The following IFNG variants were observed in gnomAD, a reference collection of about 807,000 sequenced individuals.
IFNG encodes the protein interferon gamma, also known as IFN-gamma.
In IFNG, 8 loss-of-function variants were observed where a neutral mutation model predicts 14.4. The observed-to-expected ratio is 0.56, with a 90% CI of 0.33 to 1.00. The LOEUF is 1.00. Ranked by LOEUF, IFNG falls within the 50% of genes least tolerant of loss-of-function variation. The pLI is 0.03. For missense variants in IFNG, 132 were observed against 194.9 expected (o/e 0.68, Z 1.92); for synonymous variants, 73 against 65.4 (o/e 1.12, Z -0.56).
At chr12:68,158,695 A>G (rs906578433) in intron 1 of IFNG, among the ~76,000 whole-genome samples, 1 of 148,918 alleles carries the variant, frequency 6.7e-6, no homozygotes, top group Non-Finnish European at 1.5e-5. Context: ...GCTTTAAAAG[A>G]TAGTTCCAAA....
Position 68,155,437 on chromosome 12 carries a change from C to T in IFNG, c.417G>A (p.Val139=). The change falls in exon 4 of 4, where the codon GTG becomes GTA. Residue 139 remains valine (V), a synonymous_variant. Transcript: ENST00000229135. ...QRKAIHELIQ[V]MAELSPAAKT... Reference sequence around the variant, plus strand: ...TAGCTGCTGGCGACAGTTCAGCCATCACTTGGATGAGTTCATGTATTGCTT... The same window carrying T: ...TAGCTGCTGGCGACAGTTCAGCCATTACTTGGATGAGTTCATGTATTGCTT... 1 of 1,611,970 alleles carries T rather than the reference C, an allele frequency of 6.2e-7. No homozygotes were observed. Among genetic ancestry groups the T allele is most frequent in the Non-Finnish European group, 8.5e-7 (1 of 1,178,792 alleles).
intron 1 of IFNG, 101 bp from the exon 2 acceptor site, chr12:68,158,360 G>C (rs1882634116): frequency 1.3e-6 from 1 of 781,076 alleles, no homozygotes; most frequent in Non-Finnish European, 2.0e-6. Context: ...AATATTCACT[G>C]ATTTCCTTTT....
intron 3 of IFNG, 59 bp from the exon 4 acceptor site, chr12:68,155,546 G>T (rs1180724235): frequency 6.0e-6 from 9 of 1,491,086 alleles, no homozygotes; most frequent in South Asian, 1.3e-5. Flanking sequence ...AGGATATTCT[G>T]CTAATGTCAT....
chr12:68,156,113 C>G (rs532611333), intron 3 of IFNG, among the ~76,000 whole-genome samples: 7 of 152,284 alleles, frequency 4.6e-5, no homozygotes, highest in South Asian at 2.1e-4. Context: ...AACCACTGAT[C>G]TAGGTTAGGT....
intron 3 of IFNG, among the ~76,000 whole-genome samples, chr12:68,155,822 A>G (rs1266170581): frequency 6.6e-6 from 1 of 152,156 alleles, no homozygotes; most frequent in Non-Finnish European, 1.5e-5. Context: ...TGAGCCAGCT[A>G]CTTAACCTCT....
chr12:68,155,769 A>T lies in IFNG; in HGVS notation c.367-282T>A, dbSNP rs121913168. Among the ~76,000 whole-genome samples, 5 of 152,290 alleles carry T rather than the reference A, an allele frequency of 3.3e-5. No homozygotes were observed. Among genetic ancestry groups the T allele is most frequent in the Non-Finnish European group, 7.4e-5 (5 of 68,026 alleles). On this transcript the variant is annotated intron_variant, in intron 3 of 3. Transcript: ENST00000229135. ...AGACTCCTGGTTGTGGAGTCAGCATAAAAAGGTGGGTTTGAATCTCATGCA... is the reference window on the plus strand; with the variant it reads ...AGACTCCTGGTTGTGGAGTCAGCATTAAAAGGTGGGTTTGAATCTCATGCA...
intron 2 of IFNG, 32 bp downstream of exon 2, chr12:68,158,159 G>A: frequency 6.3e-7 from 1 of 1,596,460 alleles, no homozygotes; most frequent in African/African-American, 1.4e-5. Flanking sequence ...CAAGCAACAG[G>A]AAAATTAGCC....
Position 68,159,643 on chromosome 12 carries a change from G to T in IFNG, c.-28C>A. 8.4e-7 allele frequency: 1 copy of T among 1,196,780 alleles called. No individual in the cohort carries two copies. The highest frequency in any genetic ancestry group is 1.2e-6 in the Non-Finnish European group (1 of 812,710). 74.1% of individuals were successfully genotyped at this position (1,196,780 alleles called of 1,614,324 possible). A position where few individuals can be genotyped will look rare whatever the true frequency, so the allele number is the denominator to read the frequency against. On this transcript the variant is annotated 5_prime_UTR_variant, in exon 1 of 4. Coordinates refer to ENST00000229135, the MANE Select transcript of IFNG (RefSeq NM_000619.3). Reference sequence around the variant, plus strand: ...TTTCCGAGAGAATTAAGCCAAAGAAGTTGAAATCAGTAGTTCTTGTATCAA... The same window carrying T: ...TTTCCGAGAGAATTAAGCCAAAGAATTTGAAATCAGTAGTTCTTGTATCAA...
At chr12:68,159,166 C>T (rs1028133699) in intron 1 of IFNG, among the ~76,000 whole-genome samples, 1 of 152,074 alleles carries the variant, frequency 6.6e-6, no homozygotes, top group Non-Finnish European at 1.5e-5. Flanking sequence ...AAACTAATAA[C>T]CAATCATTTT....
Position 68,159,563 on chromosome 12 carries a change from G to A in IFNG, c.53C>T (p.Ser18Phe), listed in dbSNP as rs777144079. The A allele has an allele frequency of 1.2e-6, 2 of 1,606,980 alleles. No homozygotes were observed. The highest frequency in any genetic ancestry group is 8.5e-7 in the Non-Finnish European group (1 of 1,175,410). The change falls in exon 1 of 4, where the codon TCT (serine) becomes TTT (phenylalanine). Residue 18 changes from serine (S) to phenylalanine (F), a missense_variant. By Grantham distance (155) the Ser-to-Phe change is radical. Transcript: ENST00000229135. The stretch of plus-strand genomic sequence containing the variant: ...TGGGTCCTGGCAGTAACAGCCAAGA[G>A]AACCCAAAACGATGCAGAGCTGAAA... ...LAFQLCIVLG[S>F]LGCYCQDPYV...
rs1479306659 is a variant in IFNG, at chr12:68,158,260, C to G, written c.115-1G>C. On this transcript the variant is annotated splice_acceptor_variant, in intron 1 of 3. Transcript: ENST00000229135. LOFTEE classifies it high-confidence loss of function. ...CCGCTACATCTGAATGACCTGCATT[C>G]TAAAAAAAAAAAAAGAAAAAATTGG... 7.0e-7 allele frequency: 1 copy of G among 1,425,360 alleles called. No homozygotes were observed. The highest frequency in any genetic ancestry group is 2.5e-5 in the Admixed American group (1 of 40,708). 88.3% of individuals were successfully genotyped at this position (1,425,360 alleles called of 1,614,324 possible). A position where few individuals can be genotyped will look rare whatever the true frequency, so the allele number is the denominator to read the frequency against.
chr12:68,156,945 C>T (rs1343023574), intron 3 of IFNG, among the ~76,000 whole-genome samples: 2 of 152,150 alleles, frequency 1.3e-5, no homozygotes, highest in East Asian at 1.9e-4. Flanking sequence ...CAAATGCTAG[C>T]TTGAAGACCC....
rs916151921 is a variant in IFNG, at chr12:68,157,962, T to C, written c.317A>G (p.Asn106Ser). The change falls in exon 3 of 4, where the codon AAT (asparagine) becomes AGT (serine). Residue 106 changes from asparagine (N) to serine (S), a missense_variant. By Grantham distance (46) the Asn-to-Ser change is conservative. Coordinates refer to ENST00000229135, the MANE Select transcript of IFNG (RefSeq NM_000619.3). ...GTCATCTCGTTTCTTTTTGTTGCTA[T>C]TGAAAAACTTGACATTCATGTCTTC... ...IKEDMNVKFF[N>S]SNKKKRDDFE... The C allele has an allele frequency of 6.2e-7, 1 of 1,608,550 alleles. No homozygotes were observed. The highest frequency in any genetic ancestry group is 1.7e-5 in the Admixed American group (1 of 59,784).
chr12:68,158,823 G>C (rs1458968088), intron 1 of IFNG, among the ~76,000 whole-genome samples: 1 of 151,896 alleles, frequency 6.6e-6, no homozygotes, highest in Non-Finnish European at 1.5e-5. Context: ...TAACAGCTAA[G>C]TTTTAAACAA....
At chr12:68,155,831 C>G (rs1013634540) in intron 3 of IFNG, among the ~76,000 whole-genome samples, 1 of 152,186 alleles carries the variant, frequency 6.6e-6, no homozygotes, top group Non-Finnish European at 1.5e-5. Flanking sequence ...TACTTAACCT[C>G]TCTGAACTTC....
At chr12:68,156,159 CTG>C (rs1212219441) in intron 3 of IFNG, among the ~76,000 whole-genome samples, 3 of 152,206 alleles carry the variant, frequency 2.0e-5, no homozygotes, top group African/African-American at 7.2e-5. Context: ...CGAGTGAAAA[CTG>C]TAATTTTTAA....
Position 68,158,176 on chromosome 12 carries a change from G to C in IFNG, c.183+15C>G, listed in dbSNP as rs199708992. The C allele has an allele frequency of 1.2e-4, 189 of 1,603,218 alleles. No homozygotes were observed. The African/African-American group carries it at 2.4e-3, about 21-fold the overall frequency. Reference sequence around the variant, plus strand: ...AGCAACAGGAAAATTAGCCAAATGGGAATATTCAGCTTACCTCTTTCCAAT... The same window carrying C: ...AGCAACAGGAAAATTAGCCAAATGGCAATATTCAGCTTACCTCTTTCCAAT... On this transcript the variant is annotated intron_variant, in intron 2 of 3. Transcript: ENST00000229135.
At chr12:68,155,693 C>T (rs1414132308) in intron 3 of IFNG, among the ~76,000 whole-genome samples, 1 of 152,154 alleles carries the variant, frequency 6.6e-6, no homozygotes, top group Non-Finnish European at 1.5e-5. Context: ...TGGAGTCCAT[C>T]ACATATCTTT....
chr12:68,155,272 A>C lies in IFNG; in HGVS notation c.*81T>G. On this transcript the variant is annotated 3_prime_UTR_variant, in exon 4 of 4. Transcript: ENST00000229135. Reference sequence around the variant, plus strand: ...ACTTATTTGATTGATGAGTCTAAAAATATATTCCCCATATAAATAATGTTA... The same window carrying C: ...ACTTATTTGATTGATGAGTCTAAAACTATATTCCCCATATAAATAATGTTA... 9.7e-7 allele frequency: 1 copy of C among 1,028,860 alleles called. No homozygotes were observed. The highest frequency in any genetic ancestry group is 1.3e-6 in the Non-Finnish European group (1 of 745,396). The allele number at this position is 1,028,860 out of a possible 1,614,324, so 63.7% of individuals were successfully genotyped here.
Sources: gnomAD v4.1 joint callset for allele counts (sites outside exome capture counted in the v4.1 genomes callset) on GRCh38, gnomAD v4.1.1 for gene constraint, MANE v1.5 for transcripts, NCBI Gene and HGNC (gene_info 2026-07-23, HGNC 2026-07-21) for gene names.